Variants in RBL1 observed in about 807,000 individuals in gnomAD.
RBL1 encodes retinoblastoma-like protein 1.
RBL1 carries 82 observed loss-of-function variants against 123.0 expected under a neutral mutation model. The observed-to-expected ratio is 0.67, with a 90% confidence interval of 0.56 to 0.80. The LOEUF (loss-of-function observed/expected upper bound fraction) is 0.80, where lower values mean the gene tolerates loss of function less well. Ranked by LOEUF, RBL1 falls within the 30% of genes least tolerant of loss-of-function variation. RBL1 has a pLI of 0.00. For missense variants in RBL1, 1,171 were observed against 1,299.6 expected, an observed-to-expected ratio of 0.90 and a Z score of 1.52; for synonymous variants, 405 against 441.3, an observed-to-expected ratio of 0.92 and a Z score of 1.03.
intron 11 of RBL1, among the ~76,000 whole-genome samples, chr20:37,053,518 C>G (rs1477509399): frequency 1.3e-5 from 2 of 152,148 alleles, no homozygotes; most frequent in African/African-American, 4.8e-5. Context: ...GAGGTAGGCT[C>G]TCATGACCCT....
rs2063912277 is a variant in RBL1 at position 36,998,436 on chromosome 20, C to T, written c.*323G>A. 1.0e-5 allele frequency: 2 copies of T among 190,880 alleles called. No homozygotes were observed. Among genetic ancestry groups the T allele is most frequent in the South Asian group, 1.9e-4 (2 of 10,372 alleles). 11.8% of individuals were successfully genotyped at this position (190,880 alleles called of 1,614,324 possible). ...ATGGGGTTTCTCCATGTTGGTCAGGCTGGTCTCGAACTCCTGACCTCCGGT... is the reference window on the plus strand; with the variant it reads ...ATGGGGTTTCTCCATGTTGGTCAGGTTGGTCTCGAACTCCTGACCTCCGGT... On this transcript the variant is annotated 3_prime_UTR_variant, in exon 22 of 22. Coordinates refer to ENST00000373664, the MANE Select transcript of RBL1 (RefSeq NM_002895.5).
chr20:37,033,813 C>T (rs1424779077), intron 15 of RBL1, among the ~76,000 whole-genome samples: 1 of 151,750 alleles, frequency 6.6e-6, no homozygotes, highest in East Asian at 1.9e-4. Flanking sequence ...GACGGGGTTT[C>T]ACCACGTTGG....
At chr20:37,018,224 T>TATAA (rs2064287719) in intron 19 of RBL1, 55 bp downstream of exon 19, 1 of 1,516,874 alleles carries the variant, frequency 6.6e-7, no homozygotes, top group Admixed American at 2.2e-5. Flanking sequence ...CACTGTATTA[T>TATAA]GTACAGTGTG....
At chr20:37,075,090 C>A (rs117199612) in intron 2 of RBL1, among the ~76,000 whole-genome samples, 532 of 152,246 alleles carry the variant, frequency 3.5e-3, no homozygotes, top group South Asian at 5.2e-3. Flanking sequence ...ACACCATTAT[C>A]CTAAAGAAGC....
chr20:37,002,135 C>T (rs2063994706), intron 21 of RBL1, among the ~76,000 whole-genome samples: 2 of 151,886 alleles, frequency 1.3e-5, no homozygotes, highest in African/African-American at 4.8e-5. Flanking sequence ...TGGGCTCAAG[C>T]TATTCTCCTG....
At chr20:37,000,326 T>G in intron 21 of RBL1, among the ~76,000 whole-genome samples, 2 of 141,138 alleles carry the variant, frequency 1.4e-5, no homozygotes, top group African/African-American at 2.7e-5. Context: ...GAGGTGGGGG[T>G]CAGCCCCCCA....
chr20:37,023,219 T>G (rs1342879000), intron 16 of RBL1, among the ~76,000 whole-genome samples: 1 of 152,050 alleles, frequency 6.6e-6, no homozygotes, highest in Non-Finnish European at 1.5e-5. Flanking sequence ...CCTTCTGCAT[T>G]CAAGCAATTC....
intron 17 of RBL1, 97 bp from the exon 18 acceptor site, chr20:37,020,827 G>A: frequency 2.7e-6 from 2 of 739,220 alleles, no homozygotes. Flanking sequence ...GAGCAACCTT[G>A]CAGAAAACCA....
intron 2 of RBL1, among the ~76,000 whole-genome samples, chr20:37,078,215 G>A (rs2065395075): frequency 1.3e-5 from 2 of 152,002 alleles, no homozygotes; most frequent in South Asian, 4.2e-4. Flanking sequence ...TGATTTAGGT[G>A]GTATGTGCCA....
At chr20:37,029,390 G>A (rs1003396895) in intron 16 of RBL1, among the ~76,000 whole-genome samples, 2 of 152,026 alleles carry the variant, frequency 1.3e-5, no homozygotes, top group Admixed American at 6.6e-5. Context: ...TTTTCATTCT[G>A]TGTTGGCTGA....
intron 20 of RBL1, among the ~76,000 whole-genome samples, chr20:37,005,886 T>TTTTC: frequency 7.6e-6 from 1 of 131,776 alleles, no homozygotes; most frequent in East Asian, 2.2e-4. Flanking sequence ...TCTTTTTTTT[T>TTTTC]TTTCTTTCTT....
At chr20:37,016,806 C>T (rs1393404647) in intron 19 of RBL1, among the ~76,000 whole-genome samples, 1 of 151,764 alleles carries the variant, frequency 6.6e-6, no homozygotes, top group Admixed American at 6.6e-5. Context: ...ATGAAAGGAG[C>T]ACCGGAGGTC....
chr20:37,035,762 A>C (rs1358671637), intron 14 of RBL1, among the ~76,000 whole-genome samples: 1 of 152,220 alleles, frequency 6.6e-6, no homozygotes, highest in Non-Finnish European at 1.5e-5. Context: ...AAGGAGCAAA[A>C]CATTAAGGAC....
chr20:37,014,248 A>G lies in RBL1; in HGVS notation c.2722+4031T>C, dbSNP rs149786938. Among the ~76,000 whole-genome samples the G allele has an allele frequency of 4.4e-3, 667 of 152,038 alleles. 19 individuals carry two copies. Among genetic ancestry groups the G allele is most frequent in the Admixed American group, 0.041 (620 of 15,258 alleles). The stretch of plus-strand genomic sequence containing the variant: ...GCCCACCACCATGTGTGGCTATTTT[A>G]AAAAATTTTTTGTAGCAATAGGCTG... On this transcript the variant is annotated intron_variant, in intron 19 of 21. Transcript: ENST00000373664.
chr20:37,001,939 A>AAAAAAAC (rs2063990218), intron 21 of RBL1, among the ~76,000 whole-genome samples: 1 of 150,222 alleles, frequency 6.7e-6, no homozygotes, highest in African/African-American at 2.5e-5. Flanking sequence ...AAAAAAAAAA[A>AAAAAAAC]AAACAAACCA....
At position 37,032,798 on chromosome 20, in the gene RBL1, G is replaced by A. The variant is rs1437372284; in HGVS notation, c.2249C>T (p.Pro750Leu). Residue 750 changes from proline (P) to leucine (L), a missense_variant, in exon 16 of 22, where the codon CCT becomes CTT. Transcript: ENST00000373664. ...NTNQESKVKS[P>L]VSLTAHSLIG... is the part of the protein sequence containing the mutation. ...TAATGAATGAGCAGTAAGTGATACAGGACTCTTGACTTTGGACTCCTGATT... is the reference window on the plus strand; with the variant it reads ...TAATGAATGAGCAGTAAGTGATACAAGACTCTTGACTTTGGACTCCTGATT... The A allele has an allele frequency of 6.2e-7, 1 of 1,614,036 alleles. No individual in the cohort carries two copies. Among genetic ancestry groups the A allele is most frequent in the Non-Finnish European group, 8.5e-7 (1 of 1,179,994 alleles).
At chr20:37,058,280 G>T (rs1218109803) in intron 9 of RBL1, among the ~76,000 whole-genome samples, 1 of 151,972 alleles carries the variant, frequency 6.6e-6, no homozygotes, top group African/African-American at 2.4e-5. Flanking sequence ...CACTTTGCGA[G>T]GCTGAAGCAG....
chr20:37,061,343 T>C (rs2065091070), intron 8 of RBL1, 74 bp from the exon 9 acceptor site: 2 of 1,498,512 alleles, frequency 1.3e-6, no homozygotes, highest in Non-Finnish European at 1.8e-6. Context: ...TCAGTGCATA[T>C]ACCATCTTCT....
At chr20:37,024,484 G>T (rs896762883) in intron 16 of RBL1, among the ~76,000 whole-genome samples, 3 of 152,168 alleles carry the variant, frequency 2.0e-5, no homozygotes, top group Non-Finnish European at 4.4e-5. Flanking sequence ...CACATACGCT[G>T]GAAGGCTTTT....
Sources: gnomAD v4.1 joint callset for allele counts (sites outside exome capture counted in the v4.1 genomes callset) on GRCh38, gnomAD v4.1.1 for gene constraint, MANE v1.5 for transcripts, NCBI Gene and HGNC (gene_info 2026-07-23, HGNC 2026-07-21) for gene names.